MYCBP2: variants seen among roughly 807,000 people sequenced by gnomAD.
MYCBP2 encodes E3 ubiquitin-protein ligase MYCBP2.
A neutral mutation model predicts 525.3 loss-of-function variants in MYCBP2; 120 were observed. The ratio of observed to expected loss-of-function variants is 0.23; its 90% CI spans 0.20 to 0.27. The LOEUF (loss-of-function observed/expected upper bound fraction) is 0.27, where lower values mean the gene tolerates loss of function less well. Ranked by LOEUF, MYCBP2 falls within the 10% of genes least tolerant of loss-of-function variation. The pLI, the probability that MYCBP2 is intolerant of heterozygous loss-of-function variation, is 1.00. For synonymous variants in MYCBP2, 1,894 were observed against 1,955.8 expected, an observed-to-expected ratio of 0.97 and a Z score of 0.83; for missense variants, 4,149 against 5,657.1, an observed-to-expected ratio of 0.73 and a Z score of 8.55.
intron 38 of MYCBP2, 64 bp from the exon 39 acceptor site, chr13:77,169,778 A>G: frequency 1.5e-6 from 2 of 1,305,296 alleles, no homozygotes; most frequent in East Asian, 2.3e-5. Flanking sequence ...TACTGCATAC[A>G]TGCTGTACTA....
intron 46 of MYCBP2, among the ~76,000 whole-genome samples, chr13:77,152,992 G>T (rs1019042019): frequency 6.7e-6 from 1 of 149,242 alleles, no homozygotes; most frequent in East Asian, 2.0e-4. Flanking sequence ...GTGAACCCAG[G>T]AAGCGGAGCT....
At chr13:77,099,190 C>T in intron 55 of MYCBP2, 177 bp from the exon 56 acceptor site, 3 of 840,696 alleles carry the variant, frequency 3.6e-6, no homozygotes, top group Non-Finnish European at 5.4e-6. Flanking sequence ...AAAATTTCTA[C>T]ACATCATTAC....
intron 62 of MYCBP2, among the ~76,000 whole-genome samples, chr13:77,086,330 T>C (rs759195528): frequency 2.6e-5 from 4 of 152,162 alleles, no homozygotes; most frequent in Non-Finnish European, 5.9e-5. Flanking sequence ...ATTCTCACTG[T>C]CCCTCTTTTG....
At position 77,202,730 on chromosome 13, in the gene MYCBP2, A is replaced by C. The variant is rs1246217498; in HGVS notation, c.3843+2526T>G. On this transcript the variant is annotated intron_variant, in intron 26 of 82. Transcript: ENST00000544440. Reference sequence around the variant, plus strand: ...TGGGCTTCATCCCTGGGATGCAAGGATGGTTCAATATATGCAAATCAATAA... The same window carrying C: ...TGGGCTTCATCCCTGGGATGCAAGGCTGGTTCAATATATGCAAATCAATAA... Among the ~76,000 whole-genome samples the C allele has an allele frequency of 1.2e-4, 18 of 152,164 alleles. 1 individual carries two copies. The South Asian group carries it at 2.1e-3, about 18-fold the overall frequency.
rs199956144 is a variant in MYCBP2 at position 77,206,589 on chromosome 13, T to TAA, written c.3589+62_3589+63dup. 52 of 1,322,462 alleles carry TAA rather than the reference T, an allele frequency of 3.9e-5. No homozygotes were observed. In the East Asian group the frequency reaches 7.5e-4, roughly 19 times the overall value. The allele number at this position is 1,322,462 out of a possible 1,614,324, so 81.9% of individuals were successfully genotyped here. A position where few individuals can be genotyped will look rare whatever the true frequency, so the allele number is the denominator to read the frequency against. Reference sequence around the variant, plus strand: ...GAATTACATATAAATTTAAATACTCTAAAAAAAAACCCTGGACAGCACACA... The same window carrying TAA: ...GAATTACATATAAATTTAAATACTCTAAAAAAAAAAACCCTGGACAGCACACA... On this transcript the variant is annotated intron_variant, in intron 24 of 82. Transcript: ENST00000544440.
intron 41 of MYCBP2, among the ~76,000 whole-genome samples, chr13:77,166,119 C>A (rs151293153): frequency 6.6e-6 from 1 of 152,224 alleles, no homozygotes; most frequent in Non-Finnish European, 1.5e-5. Flanking sequence ...TTCACAAAAT[C>A]CTTAAAACAT....
intron 55 of MYCBP2, among the ~76,000 whole-genome samples, chr13:77,119,374 T>C (rs977702628): frequency 9.2e-5 from 14 of 152,136 alleles, no homozygotes; most frequent in Non-Finnish European, 2.9e-5. Context: ...TGAAATATAA[T>C]AAAGTTTCAT....
chr13:77,149,850 T>G (rs2056193925), intron 47 of MYCBP2, among the ~76,000 whole-genome samples: 1 of 152,222 alleles, frequency 6.6e-6, no homozygotes, highest in South Asian at 2.1e-4. Context: ...CTAGTCCAAC[T>G]GATCAGCATA....
At chr13:77,200,006 C>T (rs997283525) in intron 26 of MYCBP2, among the ~76,000 whole-genome samples, 3 of 152,226 alleles carry the variant, frequency 2.0e-5, no homozygotes, top group African/African-American at 4.8e-5. Flanking sequence ...CAAAGAAACA[C>T]AGTTCCTCAC....
At chr13:77,276,684 A>T (rs78023615) in intron 4 of MYCBP2, among the ~76,000 whole-genome samples, 4 of 151,702 alleles carry the variant, frequency 2.6e-5, no homozygotes, top group African/African-American at 9.7e-5. Flanking sequence ...TTTGGTAGAG[A>T]TGAGGTCTCA....
chr13:77,307,617 C>T (rs1439620177), intron 1 of MYCBP2, among the ~76,000 whole-genome samples: 1 of 128,658 alleles, frequency 7.8e-6, no homozygotes, highest in African/African-American at 3.0e-5. Context: ...CAAAGTGAGA[C>T]CCTGTCTCAA....
chr13:77,276,075 G>A lies in MYCBP2; in HGVS notation c.749-2407C>T, dbSNP rs542959496. ...TTATACACATATCCAACTCTCTGAT[G>A]CTAAGTTCCATAATAACAGCAATAG... On this transcript the variant is annotated intron_variant, in intron 4 of 82. Coordinates refer to ENST00000544440, the MANE Select transcript of MYCBP2 (RefSeq NM_015057.5). 2.4e-4 allele frequency among the ~76,000 whole-genome samples: 36 copies of A among 152,312 alleles called. 1 individual carries two copies. Among genetic ancestry groups the A allele is most frequent in the African/African-American group, 8.4e-4 (35 of 41,558 alleles).
At chr13:77,230,269 A>G (rs1409630663) in intron 18 of MYCBP2, among the ~76,000 whole-genome samples, 2 of 152,202 alleles carry the variant, frequency 1.3e-5, no homozygotes, top group Non-Finnish European at 2.9e-5. Flanking sequence ...GTCACAGTCT[A>G]AAAAATTTTA....
chr13:77,195,670 C>G (rs2061690099), intron 26 of MYCBP2, among the ~76,000 whole-genome samples: 1 of 152,186 alleles, frequency 6.6e-6, no homozygotes, highest in South Asian at 2.1e-4. Flanking sequence ...GGTACCAAAG[C>G]TTGTCAATTC....
intron 60 of MYCBP2, among the ~76,000 whole-genome samples, chr13:77,089,623 C>G (rs1428243345): frequency 6.6e-6 from 1 of 151,218 alleles, no homozygotes. Context: ...GCTGTTGATA[C>G]CAACTGGTCC....
chr13:77,314,087 C>T (rs188705370), intron 1 of MYCBP2, among the ~76,000 whole-genome samples: 5 of 152,252 alleles, frequency 3.3e-5, no homozygotes, highest in African/African-American at 1.2e-4. Flanking sequence ...CTTTGTAAGA[C>T]AGTTTGGTGA....
intron 52 of MYCBP2, among the ~76,000 whole-genome samples, chr13:77,138,661 G>A (rs2054127249): frequency 6.6e-6 from 1 of 152,124 alleles, no homozygotes; most frequent in Non-Finnish European, 1.5e-5. Context: ...GAGGTACAAT[G>A]AATTCTCTCA....
intron 71 of MYCBP2, 88 bp downstream of exon 71, chr13:77,067,493 C>A: frequency 7.3e-7 from 1 of 1,371,678 alleles, no homozygotes; most frequent in South Asian, 1.3e-5. Flanking sequence ...AGTAACCTAA[C>A]AAGGTAAAAT....
At chr13:77,313,885 G>A (rs1446876663) in intron 1 of MYCBP2, among the ~76,000 whole-genome samples, 1 of 151,778 alleles carries the variant, frequency 6.6e-6, no homozygotes, top group Non-Finnish European at 1.5e-5. Flanking sequence ...ATATATAGAT[G>A]GCAAATAAGC....
Sources: gnomAD v4.1 joint callset for allele counts (sites outside exome capture counted in the v4.1 genomes callset) on GRCh38, gnomAD v4.1.1 for gene constraint, MANE v1.5 for transcripts, NCBI Gene and HGNC (gene_info 2026-07-23, HGNC 2026-07-21) for gene names.